Variants in IGSF3 observed in about 807,000 individuals in gnomAD.
IGSF3 encodes the protein glu-Trp-Ile EWI motif-containing protein 3.
IGSF3 carries 23 observed loss-of-function variants against 114.4 expected under a neutral mutation model. The observed-to-expected ratio is 0.20, with a 90% CI of 0.14 to 0.28. The LOEUF is 0.28. Ranked by LOEUF, IGSF3 falls within the 10% of genes least tolerant of loss-of-function variation. The pLI is 1.00. For missense variants in IGSF3, 1,172 were observed against 1,591.5 expected (o/e 0.74, Z 4.48); for synonymous variants, 571 against 645.2 (o/e 0.88, Z 1.74).
Position 116,594,282 on chromosome 1 carries a change from T to A in IGSF3, c.2030-5178A>T, listed in dbSNP as rs2336428. Among the ~76,000 whole-genome samples the A allele has an allele frequency of 2.6e-5, 4 of 152,170 alleles. No individual in the cohort carries two copies. Among genetic ancestry groups the A allele is most frequent in the African/African-American group, 9.7e-5 (4 of 41,444 alleles). On this transcript the variant is annotated intron_variant, in intron 7 of 10. Coordinates refer to ENST00000369486, the MANE Select transcript of IGSF3 (RefSeq NM_001007237.3). The surrounding 1 kb of genome is among the most constrained non-coding windows in gnomAD (Gnocchi z 5.2). Reference sequence around the variant, plus strand: ...ATTATTTTACTATGAACTACTTTTTTTAAAAAAAACTTTCTTTATCCCACA... The same window carrying A: ...ATTATTTTACTATGAACTACTTTTTATAAAAAAAACTTTCTTTATCCCACA...
rs1377620053 is a variant in IGSF3 at position 116,632,095 on chromosome 1, GA to G, written c.44-15639del. ...ACAACTCAACCAGTGAAGGGCTGGGGAAGACTGACAAGTTCACTAAGAAATG... is the reference window on the plus strand; with the variant it reads ...ACAACTCAACCAGTGAAGGGCTGGGGAGACTGACAAGTTCACTAAGAAATG... On this transcript the variant is annotated intron_variant, in intron 2 of 10. Transcript: ENST00000369486. The surrounding 1 kb of genome is among the most constrained non-coding windows in gnomAD (Gnocchi z 5.1). Among the ~76,000 whole-genome samples, 1 of 152,194 alleles carries G rather than the reference GA, an allele frequency of 6.6e-6. No homozygotes were observed. The highest frequency in any genetic ancestry group is 2.4e-5 in the African/African-American group (1 of 41,436).
Position 116,592,150 on chromosome 1 carries a change from C to T in IGSF3, c.2030-3046G>A, listed in dbSNP as rs1660138264. 6.6e-6 allele frequency among the ~76,000 whole-genome samples: 1 copy of T among 152,174 alleles called. No individual in the cohort carries two copies. The highest frequency in any genetic ancestry group is 1.5e-5 in the Non-Finnish European group (1 of 68,028). On this transcript the variant is annotated intron_variant, in intron 7 of 10. Transcript: ENST00000369486. The surrounding 1 kb of genome is among the most constrained non-coding windows in gnomAD (Gnocchi z 4.5). ...AGAAATGCAGACTCTCAGGCCCCAC[C>T]CCAGACCCAGTAAGTCAGAATCTGC...
At position 116,629,532 on chromosome 1, in the gene IGSF3, G is replaced by A. The variant is rs1336058269; in HGVS notation, c.44-13075C>T. 6.6e-6 allele frequency among the ~76,000 whole-genome samples: 1 copy of A among 152,176 alleles called. No individual in the cohort carries two copies. Among genetic ancestry groups the A allele is most frequent in the African/African-American group, 2.4e-5 (1 of 41,450 alleles). ...GAGGGGTGAATATTTTGGTACAGATGAATTCAGGTTGTGTAAGTGGAGAGG... is the reference window on the plus strand; with the variant it reads ...GAGGGGTGAATATTTTGGTACAGATAAATTCAGGTTGTGTAAGTGGAGAGG... On this transcript the variant is annotated intron_variant, in intron 2 of 10. Transcript: ENST00000369486. The surrounding 1 kb of genome is among the most constrained non-coding windows in gnomAD (Gnocchi z 4.3).
intron 2 of IGSF3, among the ~76,000 whole-genome samples, chr1:116,658,751 C>G (rs1242641034): frequency 1.3e-5 from 2 of 152,188 alleles, no homozygotes; most frequent in Non-Finnish European, 2.9e-5. Context: ...TTACTCTGGC[C>G]TCCCCTTCAC....
In IGSF3 at chr1:116,589,065, G is replaced by C. The variant is rs550391156; in HGVS notation, c.2069C>G (p.Thr690Ser). The C allele has an allele frequency of 6.2e-7, 1 of 1,614,026 alleles. No homozygotes were observed. The highest frequency in any genetic ancestry group is 8.5e-7 in the Non-Finnish European group (1 of 1,180,002). ...LQVSKSKRTL[T>S]LVENKPIQLN... ...CTGAATGGGCTTGTTTTCCACCAGGGTGAGGGTCCTCTTCGATTTGCTCAC... is the reference window on the plus strand; with the variant it reads ...CTGAATGGGCTTGTTTTCCACCAGGCTGAGGGTCCTCTTCGATTTGCTCAC... The change falls in exon 8 of 11, where the codon ACC (threonine) becomes AGC (serine). Residue 690 changes from threonine to serine, a missense_variant. Thr to Ser is a moderately conservative substitution (Grantham distance 58). Transcript: ENST00000369486. The surrounding 1 kb of genome is among the most constrained non-coding windows in gnomAD (Gnocchi z 5.7).
At position 116,661,269 on chromosome 1, in the gene IGSF3, A is replaced by C. The variant is rs1202491564; in HGVS notation, c.43+5015T>G. Among the ~76,000 whole-genome samples the C allele has an allele frequency of 6.6e-6, 1 of 152,078 alleles. No individual in the cohort carries two copies. Among genetic ancestry groups the C allele is most frequent in the East Asian group, 1.9e-4 (1 of 5,190 alleles). On this transcript the variant is annotated intron_variant, in intron 2 of 10. Coordinates refer to ENST00000369486, the MANE Select transcript of IGSF3 (RefSeq NM_001007237.3). The surrounding 1 kb of genome is among the most constrained non-coding windows in gnomAD (Gnocchi z 4.0). Reference sequence around the variant, plus strand: ...GATCGTGCCACTGCACTCCAGCCTGAGCAACAGTGTGAGACTCCATCTCAA... The same window carrying C: ...GATCGTGCCACTGCACTCCAGCCTGCGCAACAGTGTGAGACTCCATCTCAA...
chr1:116,579,954 T>A lies in IGSF3; in HGVS notation c.2849-77A>T. ...TCAAAATAAACTAAATGTCCATCAT[T>A]AAACACATGATAGTAACATCCATAC... On this transcript the variant is annotated intron_variant, in intron 9 of 10. Transcript: ENST00000369486. This position sits in a 1 kb window ranked among gnomAD's most constrained non-coding sequence, Gnocchi z 6.4. The A allele has an allele frequency of 8.1e-7, 1 of 1,239,506 alleles. No homozygotes were observed. Among genetic ancestry groups the A allele is most frequent in the Non-Finnish European group, 1.1e-6 (1 of 903,496 alleles). 76.8% of individuals were successfully genotyped at this position (1,239,506 alleles called of 1,614,324 possible).
rs193044597 is a variant in IGSF3, at chr1:116,608,608, A to G, written c.833-277T>C. On this transcript the variant is annotated intron_variant, in intron 4 of 10. Transcript: ENST00000369486. The stretch of plus-strand genomic sequence containing the variant: ...GTTAAGACCAATGGGGCTCAGTCTG[A>G]AGCTTTAGATGTCTTAGATGAGACC... 2.2e-3 allele frequency among the ~76,000 whole-genome samples: 342 copies of G among 152,332 alleles called. 1 individual carries two copies. The highest frequency in any genetic ancestry group is 7.8e-3 in the African/African-American group (325 of 41,578).
At chr1:116,640,748 G>C (rs1648052612) in intron 2 of IGSF3, among the ~76,000 whole-genome samples, 2 of 152,072 alleles carry the variant, frequency 1.3e-5, no homozygotes. Context: ...AAATATTCTT[G>C]TAAATCTTCA....
At position 116,596,120 on chromosome 1, in the gene IGSF3, C is replaced by T. The variant is rs1454736880; in HGVS notation, c.2029+3821G>A. Reference sequence around the variant, plus strand: ...ATTCTGATGAATACTGATATGGGGGCAGGATCAGCAGGTGGCTCCAGCAGG... The same window carrying T: ...ATTCTGATGAATACTGATATGGGGGTAGGATCAGCAGGTGGCTCCAGCAGG... On this transcript the variant is annotated intron_variant, in intron 7 of 10. Transcript: ENST00000369486. The surrounding 1 kb of genome is among the most constrained non-coding windows in gnomAD (Gnocchi z 4.1). Among the ~76,000 whole-genome samples the T allele has an allele frequency of 1.3e-5, 2 of 152,178 alleles. No individual in the cohort carries two copies. Among genetic ancestry groups the T allele is most frequent in the Non-Finnish European group, 2.9e-5 (2 of 68,040 alleles).
Position 116,594,056 on chromosome 1 carries a change from G to T in IGSF3, c.2030-4952C>A, listed in dbSNP as rs1660238998. ...TTTGCATGGTTTTAAAATATGCCAG[G>T]TCAGTCAAGAGAGGATTTTCCTTTG... On this transcript the variant is annotated intron_variant, in intron 7 of 10. Transcript: ENST00000369486. The surrounding 1 kb of genome is among the most constrained non-coding windows in gnomAD (Gnocchi z 5.2). Among the ~76,000 whole-genome samples the T allele has an allele frequency of 6.6e-6, 1 of 152,168 alleles. No individual in the cohort carries two copies.
intron 2 of IGSF3, among the ~76,000 whole-genome samples, chr1:116,617,966 C>A (rs544234884): frequency 1.3e-5 from 2 of 152,350 alleles, no homozygotes; most frequent in Admixed American, 1.3e-4. Context: ...GCGGCTGCCC[C>A]GGCTATGCCT....
chr1:116,649,801 T>C lies in IGSF3; in HGVS notation c.43+16483A>G, dbSNP rs536690718. ...TGTAATACTTTTCCGGCTGCATAAG[T>C]CACGTGTCACCATATAAACTCACAA... On this transcript the variant is annotated intron_variant, in intron 2 of 10. Coordinates refer to ENST00000369486, the MANE Select transcript of IGSF3 (RefSeq NM_001007237.3). The surrounding 1 kb of genome is among the most constrained non-coding windows in gnomAD (Gnocchi z 4.5). Among the ~76,000 whole-genome samples the C allele has an allele frequency of 2.4e-3, 368 of 152,306 alleles. No individual in the cohort carries two copies. Among genetic ancestry groups the C allele is most frequent in the African/African-American group, 8.6e-3 (356 of 41,566 alleles).
Position 116,664,825 on chromosome 1 carries a change from G to A in IGSF3, c.43+1459C>T, listed in dbSNP as rs1242598096. Among the ~76,000 whole-genome samples, 1 of 152,182 alleles carries A rather than the reference G, an allele frequency of 6.6e-6. No individual in the cohort carries two copies. The highest frequency in any genetic ancestry group is 2.1e-4 in the South Asian group (1 of 4,832). On this transcript the variant is annotated intron_variant, in intron 2 of 10. Coordinates refer to ENST00000369486, the MANE Select transcript of IGSF3 (RefSeq NM_001007237.3). The surrounding 1 kb of genome is among the most constrained non-coding windows in gnomAD (Gnocchi z 4.6). ...TGGGTGGTAGGGCACTGGCGCTAGTGAACTCACCCACTGGTTCTCTACTGA... is the reference window on the plus strand; with the variant it reads ...TGGGTGGTAGGGCACTGGCGCTAGTAAACTCACCCACTGGTTCTCTACTGA...
chr1:116,632,703 G>A lies in IGSF3; in HGVS notation c.44-16246C>T, dbSNP rs184229366. ...TACTCATTAACTCAGAGCTGACCTC[G>A]TCTGGCAGGATTAACTAGCCATACC... On this transcript the variant is annotated intron_variant, in intron 2 of 10. Transcript: ENST00000369486. This position sits in a 1 kb window ranked among gnomAD's most constrained non-coding sequence, Gnocchi z 5.1. Among the ~76,000 whole-genome samples the A allele has an allele frequency of 0.015, 2,232 of 152,272 alleles. 67 individuals are homozygous for A. The highest frequency in any genetic ancestry group is 0.051 in the African/African-American group (2,132 of 41,538).
At chr1:116,590,063 C>CG (rs1307684254) in intron 7 of IGSF3, among the ~76,000 whole-genome samples, 1 of 151,220 alleles carries the variant, frequency 6.6e-6, no homozygotes, top group Non-Finnish European at 1.5e-5. Context: ...ATGCTGCGGG[C>CG]GGGGGGAGAG....
In IGSF3 at chr1:116,634,839, C is replaced by T. The variant is rs556704461; in HGVS notation, c.44-18382G>A. ...CTTCTGCCAGCTCTCCTGGGACACACATTTGGAGCCTGAGTTGCGGTGTAA... is the reference window on the plus strand; with the variant it reads ...CTTCTGCCAGCTCTCCTGGGACACATATTTGGAGCCTGAGTTGCGGTGTAA... On this transcript the variant is annotated intron_variant, in intron 2 of 10. Coordinates refer to ENST00000369486, the MANE Select transcript of IGSF3 (RefSeq NM_001007237.3). The surrounding 1 kb of genome is among the most constrained non-coding windows in gnomAD (Gnocchi z 4.2). Among the ~76,000 whole-genome samples the T allele has an allele frequency of 6.6e-6, 1 of 152,230 alleles. No individual in the cohort carries two copies. Among genetic ancestry groups the T allele is most frequent in the Non-Finnish European group, 1.5e-5 (1 of 68,014 alleles).
At chr1:116,604,766 G>C (rs983218070) in intron 5 of IGSF3, among the ~76,000 whole-genome samples, 2 of 152,156 alleles carry the variant, frequency 1.3e-5, no homozygotes, top group Non-Finnish European at 2.9e-5. Flanking sequence ...TTTGGGATAA[G>C]GATTCCACTC....
At chr1:116,590,379 A>C (rs1478354853) in intron 7 of IGSF3, among the ~76,000 whole-genome samples, 2 of 152,078 alleles carry the variant, frequency 1.3e-5, no homozygotes, top group South Asian at 2.1e-4. Context: ...ATGAAAAAAA[A>C]AAAACAAAAA....
Sources: gnomAD v4.1 joint callset for allele counts (sites outside exome capture counted in the v4.1 genomes callset) on GRCh38, gnomAD v4.1.1 for gene constraint, Gnocchi (gnomAD v3.1) non-coding constraint, MANE v1.5 for transcripts, NCBI Gene and HGNC (gene_info 2026-07-23, HGNC 2026-07-21) for gene names.